Variants in GRID2 observed in about 807,000 individuals in gnomAD.
GRID2 encodes glutamate ionotropic receptor delta type subunit 2.
GRID2 carries 33 observed loss-of-function variants against 114.8 expected under a neutral mutation model. The observed-to-expected ratio is 0.29, with a 90% CI of 0.22 to 0.38. GRID2 has a LOEUF of 0.38. GRID2 is among the 10% of genes least tolerant of loss of function. GRID2 has a pLI of 1.00. For synonymous variants in GRID2, 505 were observed against 449.9 expected (o/e 1.12, Z -1.55); for missense variants, 1,184 against 1,257.7 (o/e 0.94, Z 0.89).
At chr4:93,422,126 G>T (rs1768349463) in intron 9 of GRID2, among the ~76,000 whole-genome samples, 1 of 152,088 alleles carries the variant, frequency 6.6e-6, no homozygotes, top group African/African-American at 2.4e-5. Context: ...AATGGGAAAA[G>T]ATAAAAGAGG....
At chr4:92,507,644 T>G (rs754382033) in intron 1 of GRID2, among the ~76,000 whole-genome samples, 37 of 151,996 alleles carry the variant, frequency 2.4e-4, no homozygotes, top group Non-Finnish European at 4.6e-4. Context: ...TTTTTATCTA[T>G]CTTAGCAGTG....
intron 8 of GRID2, among the ~76,000 whole-genome samples, chr4:93,365,402 A>G (rs1040617260): frequency 6.6e-6 from 1 of 152,202 alleles, no homozygotes; most frequent in Non-Finnish European, 1.5e-5. Flanking sequence ...CAAATTTACC[A>G]TGCATAGTAG....
intron 2 of GRID2, among the ~76,000 whole-genome samples, chr4:92,795,948 T>A (rs74831387): frequency 0.016 from 2,391 of 152,092 alleles, 57 homozygotes; most frequent in African/African-American, 0.054. Flanking sequence ...ACAGTTTCTT[T>A]CATGATTTCC....
At chr4:93,747,192 C>G (rs1055701442) in intron 14 of GRID2, among the ~76,000 whole-genome samples, 2 of 151,948 alleles carry the variant, frequency 1.3e-5, no homozygotes, top group Non-Finnish European at 1.5e-5. Flanking sequence ...TTAAAACATG[C>G]CTTTGTATAT....
chr4:92,851,875 C>A lies in GRID2; in HGVS notation c.245-233120C>A, dbSNP rs543290792. Among the ~76,000 whole-genome samples the A allele has an allele frequency of 2.3e-3, 356 of 151,962 alleles. 9 individuals carry two copies. Among genetic ancestry groups the A allele is most frequent in the Non-Finnish European group, 6.3e-4 (43 of 67,890 alleles). On this transcript the variant is annotated intron_variant, in intron 2 of 15. Transcript: ENST00000282020. ...GGTCATTCACAAAACAGGAATGAAT[C>A]AAAAAATATGTACTTTCTTTGCAAA...
chr4:92,847,892 C>A (rs531819335), intron 2 of GRID2, among the ~76,000 whole-genome samples: 1 of 151,938 alleles, frequency 6.6e-6, no homozygotes, highest in Admixed American at 6.6e-5. Context: ...ATTCAGTAGA[C>A]AGTATTAGCT....
At position 92,948,136 on chromosome 4, in the gene GRID2, G is replaced by A. The variant is rs534446240; in HGVS notation, c.245-136859G>A. Among the ~76,000 whole-genome samples, 41 of 151,612 alleles carry A rather than the reference G, an allele frequency of 2.7e-4. No individual in the cohort carries two copies. The South Asian group carries it at 3.1e-3, about 12-fold the overall frequency. Reference sequence around the variant, plus strand: ...ATAAAGCCATTATACTCCTACCTGAGGTTTCATTTTACATTTTAAAGTATG... The same window carrying A: ...ATAAAGCCATTATACTCCTACCTGAAGTTTCATTTTACATTTTAAAGTATG... On this transcript the variant is annotated intron_variant, in intron 2 of 15. Coordinates refer to ENST00000282020, the MANE Select transcript of GRID2 (RefSeq NM_001510.4).
At chr4:93,658,414 A>G (rs1723203654) in intron 14 of GRID2, among the ~76,000 whole-genome samples, 1 of 152,146 alleles carries the variant, frequency 6.6e-6, no homozygotes, top group African/African-American at 2.4e-5. Flanking sequence ...TTTAACAGCA[A>G]AGGTCAATAT....
intron 13 of GRID2, among the ~76,000 whole-genome samples, chr4:93,540,348 T>A (rs1299824048): frequency 2.0e-5 from 3 of 152,210 alleles, no homozygotes; most frequent in African/African-American, 7.2e-5. Flanking sequence ...GCTTTCAAGT[T>A]GCTTTTTCTT....
chr4:93,487,491 A>T (rs565065023), intron 11 of GRID2, among the ~76,000 whole-genome samples: 93 of 151,740 alleles, frequency 6.1e-4, no homozygotes, highest in Non-Finnish European at 1.1e-3. Context: ...TTATCATCCT[A>T]TTCAAAGTAC....
At chr4:92,909,152 A>G (rs1431755089) in intron 2 of GRID2, among the ~76,000 whole-genome samples, 3 of 152,108 alleles carry the variant, frequency 2.0e-5, no homozygotes. Flanking sequence ...ATTTTAAGTA[A>G]TTAGTGTCCT....
At chr4:92,445,830 A>T (rs1173337379) in intron 1 of GRID2, among the ~76,000 whole-genome samples, 1 of 152,204 alleles carries the variant, frequency 6.6e-6, no homozygotes, top group South Asian at 2.1e-4. Context: ...TCCAATTAAC[A>T]TTTTTAGCTC....
intron 8 of GRID2, among the ~76,000 whole-genome samples, chr4:93,259,155 GA>G (rs1158802856): frequency 1.3e-5 from 2 of 151,740 alleles, no homozygotes. Context: ...GTGAATAGAT[GA>G]AAAAAATGCA....
In GRID2 at chr4:93,153,787, T is replaced by C. The variant is rs371077317; in HGVS notation, c.735+42834T>C. ...CTGATTTTAGTTTTCTCATTTTATG[T>C]GAAATAATTGGAATTTAGTTCTCCT... On this transcript the variant is annotated intron_variant, in intron 4 of 15. Coordinates refer to ENST00000282020, the MANE Select transcript of GRID2 (RefSeq NM_001510.4). Among the ~76,000 whole-genome samples, 8 of 152,150 alleles carry C rather than the reference T, an allele frequency of 5.3e-5. No homozygotes were observed. In the East Asian group the frequency reaches 9.6e-4, roughly 18 times the overall value.
At chr4:92,701,603 G>C (rs1734679950) in intron 2 of GRID2, among the ~76,000 whole-genome samples, 1 of 151,962 alleles carries the variant, frequency 6.6e-6, no homozygotes. Flanking sequence ...TACGATGTGT[G>C]ATGTTAACAT....
intron 2 of GRID2, among the ~76,000 whole-genome samples, chr4:92,988,003 G>T (rs183558818): frequency 2.0e-5 from 3 of 152,010 alleles, no homozygotes; most frequent in Non-Finnish European, 4.4e-5. Context: ...TACATTAATT[G>T]ATCAATTCAA....
chr4:92,448,060 AC>A (rs1381800005), intron 1 of GRID2, among the ~76,000 whole-genome samples: 1 of 152,242 alleles, frequency 6.6e-6, no homozygotes, highest in Non-Finnish European at 1.5e-5. Context: ...AAGTAAACTT[AC>A]ATGAAATGAC....
chr4:93,038,333 C>G (rs930532909), intron 2 of GRID2, among the ~76,000 whole-genome samples: 3 of 151,994 alleles, frequency 2.0e-5, no homozygotes, highest in African/African-American at 7.2e-5. Context: ...ACAACCCCAT[C>G]AAAAAGTGGG....
At chr4:93,374,036 C>A (rs182986707) in intron 8 of GRID2, among the ~76,000 whole-genome samples, 1 of 152,096 alleles carries the variant, frequency 6.6e-6, no homozygotes, top group Non-Finnish European at 1.5e-5. Context: ...TGGTTTAAAA[C>A]GCAGCATGCA....
Sources: allele counts gnomAD v4.1 joint callset (sites outside exome capture counted in the v4.1 genomes callset), GRCh38; gene constraint gnomAD v4.1.1; transcripts MANE v1.5; gene names NCBI Gene and HGNC (gene_info 2026-07-23, HGNC 2026-07-21).